RHOBTB3: variants seen among roughly 807,000 people sequenced by gnomAD.
RHOBTB3 encodes rho-related BTB domain-containing protein 3.
A neutral mutation model predicts 67.2 loss-of-function variants in RHOBTB3; 47 were observed. That is an observed-to-expected ratio of 0.70 (90% CI 0.55 to 0.89). The LOEUF (loss-of-function observed/expected upper bound fraction) is 0.89, where lower values mean the gene tolerates loss of function less well. RHOBTB3 is among the 40% of genes least tolerant of loss of function. The probability of loss-of-function intolerance (pLI) is 0.00; values close to 1 mark genes in which losing one functional copy is unlikely to be tolerated. For missense variants in RHOBTB3, 631 were observed against 750.0 expected, an observed-to-expected ratio of 0.84 and a Z score of 1.85; for synonymous variants, 273 against 274.2, an observed-to-expected ratio of 1.00 and a Z score of 0.04.
In RHOBTB3 at chr5:95,793,422, C is replaced by A; in HGVS notation, c.*248C>A. On this transcript the variant is annotated 3_prime_UTR_variant, in exon 12 of 12. Transcript: ENST00000379982. Reference sequence around the variant, plus strand: ...CAAAGCTGTTTTGCAGCTGTTTTCCCTTAAAGATGTCCTGTTGCTTTAGTG... The same window carrying A: ...CAAAGCTGTTTTGCAGCTGTTTTCCATTAAAGATGTCCTGTTGCTTTAGTG... 1 of 314,508 alleles carries A rather than the reference C, an allele frequency of 3.2e-6. No homozygotes were observed. Among genetic ancestry groups the A allele is most frequent in the Non-Finnish European group, 5.8e-6 (1 of 173,442 alleles). 19.5% of individuals were successfully genotyped at this position (314,508 alleles called of 1,614,324 possible).
At chr5:95,765,031 A>G (rs955176482) in intron 7 of RHOBTB3, among the ~76,000 whole-genome samples, 3 of 152,254 alleles carry the variant, frequency 2.0e-5, no homozygotes, top group Middle Eastern at 3.4e-3. Flanking sequence ...CAGTTCATCT[A>G]GTTGTCTTGA....
At chr5:95,785,155 A>C (rs1746184516) in intron 10 of RHOBTB3, among the ~76,000 whole-genome samples, 1 of 152,250 alleles carries the variant, frequency 6.6e-6, no homozygotes, top group Admixed American at 6.5e-5. Context: ...GAATTCATTC[A>C]TCAACACTTC....
At chr5:95,771,973 A>G (rs972859311) in intron 8 of RHOBTB3, among the ~76,000 whole-genome samples, 3 of 152,028 alleles carry the variant, frequency 2.0e-5, no homozygotes, top group Non-Finnish European at 4.4e-5. Context: ...AAAAAAGTCT[A>G]GTTTATGGAG....
intron 8 of RHOBTB3, among the ~76,000 whole-genome samples, chr5:95,776,236 A>G (rs1745875623): frequency 6.6e-6 from 1 of 151,910 alleles, no homozygotes; most frequent in Non-Finnish European, 1.5e-5. Context: ...GTGAAACCCC[A>G]TCCCTATTAA....
rs190656692 is a variant in RHOBTB3, at chr5:95,743,090, A to T, written c.416-5243A>T. On this transcript the variant is annotated intron_variant, in intron 3 of 11. Transcript: ENST00000379982. The stretch of plus-strand genomic sequence containing the variant: ...CATCTCAAAAAATAAAAAAATAAAA[A>T]ATAAATAAAAAAAACTCTCAGGATA... 8.5e-5 allele frequency among the ~76,000 whole-genome samples: 13 copies of T among 152,198 alleles called. No homozygotes were observed. The East Asian group carries it at 2.3e-3, about 27-fold the overall frequency.
At chr5:95,788,249 G>A (rs1195766599) in intron 10 of RHOBTB3, among the ~76,000 whole-genome samples, 2 of 152,174 alleles carry the variant, frequency 1.3e-5, no homozygotes, top group South Asian at 2.1e-4. Flanking sequence ...TCAGTTTACT[G>A]TACATCTCAT....
upstream of RHOBTB3, among the ~76,000 whole-genome samples, chr5:95,730,358 A>C (rs1358357418): frequency 6.6e-6 from 1 of 152,348 alleles, no homozygotes; most frequent in East Asian, 1.9e-4. Flanking sequence ...ACTGGTTAGA[A>C]TTTTAATACT....
chr5:95,744,609 TGTAATTACAAA>T (rs1301340900), intron 3 of RHOBTB3, among the ~76,000 whole-genome samples: 2 of 152,176 alleles, frequency 1.3e-5, no homozygotes, highest in Admixed American at 6.5e-5. Flanking sequence ...CCATACAAGA[TGTAATTACAAA>T]GTAATTACAA....
At chr5:95,783,729 G>C (rs1251727091) in intron 9 of RHOBTB3, 68 bp from the exon 10 acceptor site, 1 of 1,320,908 alleles carries the variant, frequency 7.6e-7, no homozygotes, top group East Asian at 2.4e-5. Flanking sequence ...TTTGTTGGTG[G>C]GGGGTGTTTA....
chr5:95,784,927 G>T (rs1746176654), intron 10 of RHOBTB3, among the ~76,000 whole-genome samples: 1 of 152,166 alleles, frequency 6.6e-6, no homozygotes, highest in South Asian at 2.1e-4. Context: ...GAGCCCTCTA[G>T]GTTTTTTTCA....
chr5:95,724,586 T>C (rs1754994025), intron 1 of RHOBTB3, among the ~76,000 whole-genome samples: 1 of 152,190 alleles, frequency 6.6e-6, no homozygotes, highest in Non-Finnish European at 1.5e-5. Context: ...CTCTACTCCC[T>C]ACTTGGGTAG....
At chr5:95,790,830 A>T (rs958532170) in intron 11 of RHOBTB3, among the ~76,000 whole-genome samples, 1 of 152,194 alleles carries the variant, frequency 6.6e-6, no homozygotes, top group Non-Finnish European at 1.5e-5. Context: ...TAGCCTGCCA[A>T]CGTGTTTTAT....
intron 5 of RHOBTB3, among the ~76,000 whole-genome samples, chr5:95,753,175 T>C (rs1056655122): frequency 1.3e-5 from 2 of 151,872 alleles, no homozygotes; most frequent in Non-Finnish European, 2.9e-5. Flanking sequence ...CAAAGGATCC[T>C]GATATCTGCA....
intron 8 of RHOBTB3, chr5:95,770,466 T>C (rs936653531): frequency 3.4e-6 from 1 of 297,310 alleles, no homozygotes; most frequent in Admixed American, 3.6e-5. Context: ...TGTTGAAGGA[T>C]CTTTGGTAGT....
rs1340959882 is a variant in RHOBTB3 at position 95,732,210 on chromosome 5, C to A, written c.228+126C>A. ...GCGTTACATGGGTCAAATTTTTAAA[C>A]ATTTTTGAGAAAATCTTTGGTCCTT... On this transcript the variant is annotated intron_variant, in intron 2 of 11. Transcript: ENST00000379982. 6.0e-6 allele frequency: 5 copies of A among 830,902 alleles called. No individual in the cohort carries two copies. In the African/African-American group the frequency reaches 6.8e-5, roughly 11 times the overall value. 51.5% of individuals were successfully genotyped at this position (830,902 alleles called of 1,614,324 possible). A position where few individuals can be genotyped will look rare whatever the true frequency, so the allele number is the denominator to read the frequency against.
At chr5:95,776,254 A>G (rs1745876070) in intron 8 of RHOBTB3, among the ~76,000 whole-genome samples, 1 of 151,944 alleles carries the variant, frequency 6.6e-6, no homozygotes. Context: ...TAAAAATACA[A>G]AAATCAGCCA....
chr5:95,779,580 G>C (rs1234408774), intron 8 of RHOBTB3, among the ~76,000 whole-genome samples: 1 of 152,200 alleles, frequency 6.6e-6, no homozygotes, highest in Non-Finnish European at 1.5e-5. Flanking sequence ...TGGGCTGAGA[G>C]AGCCCTCAAA....
intron 4 of RHOBTB3, among the ~76,000 whole-genome samples, chr5:95,751,128 C>A (rs190107036): frequency 6.6e-6 from 1 of 152,190 alleles, no homozygotes; most frequent in Admixed American, 6.5e-5. Flanking sequence ...CGTAAATGCA[C>A]CTGAGAGAGA....
chr5:95,731,701 G>A lies in RHOBTB3; in HGVS notation c.2+17G>A, dbSNP rs1747430245. The A allele has an allele frequency of 6.2e-7, 1 of 1,613,104 alleles. No individual in the cohort carries two copies. The highest frequency in any genetic ancestry group is 8.5e-7 in the Non-Finnish European group (1 of 1,179,732). ...TGAGATCATGTACGTACGCGCCGCC[G>A]TCCTGCCATTGTCTCTCTCCAGCGC... On this transcript the variant is annotated intron_variant, in intron 1 of 11. Coordinates refer to ENST00000379982, the MANE Select transcript of RHOBTB3 (RefSeq NM_014899.4).
Sources: allele counts gnomAD v4.1 joint callset (sites outside exome capture counted in the v4.1 genomes callset), GRCh38; gene constraint gnomAD v4.1.1; transcripts MANE v1.5; gene names NCBI Gene and HGNC (gene_info 2026-07-23, HGNC 2026-07-21).